The following RALYL variants were observed in gnomAD, a reference collection of about 807,000 sequenced individuals.
RALYL encodes RALY RNA binding protein like, also known as RNA-binding Raly-like protein.
Under a neutral mutation model 35.1 loss-of-function variants are expected in RALYL, and 29 were observed. The observed-to-expected ratio is 0.83, with a 90% confidence interval of 0.61 to 1.13. The LOEUF (loss-of-function observed/expected upper bound fraction) is 1.13. Among genes scored for constraint, RALYL ranks in the 50% most tolerant of loss-of-function variants. The pLI is 0.00. For synonymous variants in RALYL, 120 were observed against 127.6 expected (o/e 0.94, Z 0.40); for missense variants, 359 against 360.4 (o/e 1.00, Z 0.03).
chr8:84,842,001 C>T (rs1321212665), intron 4 of RALYL, among the ~76,000 whole-genome samples: 2 of 152,094 alleles, frequency 1.3e-5, no homozygotes, highest in Non-Finnish European at 2.9e-5. Flanking sequence ...ACTAAATGCC[C>T]ACAAGAGAAA....
chr8:84,584,402 A>C lies in RALYL; in HGVS notation c.256+54825A>C, dbSNP rs185797269. Among the ~76,000 whole-genome samples the C allele has an allele frequency of 4.3e-4, 66 of 152,236 alleles. No homozygotes were observed. The East Asian group carries it at 0.012, about 28-fold the overall frequency. ...AGTGGATCACGTGGTCAAGAGATAGAGACCACCCTGGCCAACATGGTGAAA... is the reference window on the plus strand; with the variant it reads ...AGTGGATCACGTGGTCAAGAGATAGCGACCACCCTGGCCAACATGGTGAAA... On this transcript the variant is annotated intron_variant, in intron 2 of 8. Transcript: ENST00000521268.
intron 8 of RALYL, among the ~76,000 whole-genome samples, chr8:84,909,420 T>A (rs1315874977): frequency 6.6e-6 from 1 of 152,154 alleles, no homozygotes; most frequent in Non-Finnish European, 1.5e-5. Flanking sequence ...AACACAAAAA[T>A]ACTGAAATAG....
chr8:84,895,137 C>T (rs995422416), intron 8 of RALYL, among the ~76,000 whole-genome samples: 4 of 151,980 alleles, frequency 2.6e-5, no homozygotes, highest in Non-Finnish European at 2.9e-5. Flanking sequence ...GTTTGATTTT[C>T]GTATTTTAGC....
intron 2 of RALYL, among the ~76,000 whole-genome samples, chr8:84,602,874 T>G (rs1252225): frequency 0.27 from 41,359 of 151,920 alleles, 6,068 homozygotes; most frequent in African/African-American, 0.37. Flanking sequence ...GATTTCTGTC[T>G]TTGAGAATAA....
chr8:84,835,279 G>C (rs1398471615), intron 4 of RALYL, among the ~76,000 whole-genome samples: 1 of 152,078 alleles, frequency 6.6e-6, no homozygotes, highest in African/African-American at 2.4e-5. Flanking sequence ...ATTCAAAAAA[G>C]CTATAATCAA....
chr8:84,675,162 G>A (rs1463550779), intron 2 of RALYL, among the ~76,000 whole-genome samples: 1 of 151,902 alleles, frequency 6.6e-6, no homozygotes, highest in Non-Finnish European at 1.5e-5. Flanking sequence ...TTTTTCTGAA[G>A]GCTTAGCAAA....
chr8:84,649,913 G>C (rs1339937062), intron 2 of RALYL, among the ~76,000 whole-genome samples: 1 of 152,076 alleles, frequency 6.6e-6, no homozygotes, highest in Admixed American at 6.6e-5. Flanking sequence ...CTACCCATGA[G>C]CATGGAATGT....
At chr8:84,711,644 T>C (rs1359328365) in intron 2 of RALYL, among the ~76,000 whole-genome samples, 2 of 152,176 alleles carry the variant, frequency 1.3e-5, no homozygotes, top group African/African-American at 2.4e-5. Flanking sequence ...AAAACAAGGC[T>C]GTTGCCAGTC....
At chr8:84,707,180 T>C (rs1312099956) in intron 2 of RALYL, among the ~76,000 whole-genome samples, 1 of 152,188 alleles carries the variant, frequency 6.6e-6, no homozygotes, top group Non-Finnish European at 1.5e-5. Context: ...CAGAAAGCTC[T>C]GAGGGCTAGG....
At chr8:84,785,248 T>G (rs1819133441) in intron 3 of RALYL, among the ~76,000 whole-genome samples, 1 of 152,200 alleles carries the variant, frequency 6.6e-6, no homozygotes, top group Admixed American at 6.6e-5. Context: ...TATCTCCTCT[T>G]CCCACTCAGT....
At chr8:84,455,300 A>G (rs1220063587) in intron 1 of RALYL, among the ~76,000 whole-genome samples, 2 of 152,058 alleles carry the variant, frequency 1.3e-5, no homozygotes, top group Non-Finnish European at 2.9e-5. Context: ...TGTCTGGTAT[A>G]AAAGATAAGG....
At chr8:84,829,638 A>G (rs1187564405) in intron 4 of RALYL, among the ~76,000 whole-genome samples, 1 of 152,186 alleles carries the variant, frequency 6.6e-6, no homozygotes, top group African/African-American at 2.4e-5. Flanking sequence ...AATCAATCAA[A>G]CCAAACACAC....
Position 84,522,041 on chromosome 8 carries a change from T to G in RALYL, c.-23-7258T>G, listed in dbSNP as rs576409088. On this transcript the variant is annotated intron_variant, in intron 1 of 8. Transcript: ENST00000521268. ...TTACGATAATTTTAATAAATTTTGA[T>G]GAGCTGTTGAAGGAAATACTATCAT... 2.1e-3 allele frequency among the ~76,000 whole-genome samples: 317 copies of G among 152,182 alleles called. 1 individual carries two copies. The highest frequency in any genetic ancestry group is 1.6e-3 in the Non-Finnish European group (106 of 67,994).
At chr8:84,756,657 G>T (rs891568068) in intron 2 of RALYL, among the ~76,000 whole-genome samples, 2 of 152,028 alleles carry the variant, frequency 1.3e-5, no homozygotes, top group African/African-American at 4.8e-5. Context: ...GAGGAGAGAA[G>T]TTATGCATAA....
At chr8:84,247,293 G>C (rs1254675476) in intron 1 of RALYL, among the ~76,000 whole-genome samples, 1 of 152,032 alleles carries the variant, frequency 6.6e-6, no homozygotes, top group African/African-American at 2.4e-5. Context: ...TGGACCATTA[G>C]GTTTTTCTTG....
intron 8 of RALYL, among the ~76,000 whole-genome samples, chr8:84,898,029 A>G (rs946017903): frequency 2.0e-5 from 3 of 152,226 alleles, no homozygotes; most frequent in Admixed American, 6.5e-5. Flanking sequence ...AAAGTAAAAA[A>G]GAATTAGATG....
rs533062224 is a variant in RALYL at position 84,361,274 on chromosome 8, A to G, written c.-23-168025A>G. 4.6e-3 allele frequency among the ~76,000 whole-genome samples: 700 copies of G among 152,292 alleles called. 2 individuals carry two copies. The highest frequency in any genetic ancestry group is 7.2e-3 in the Non-Finnish European group (487 of 68,018). On this transcript the variant is annotated intron_variant, in intron 1 of 8. Coordinates refer to ENST00000521268, the MANE Select transcript of RALYL (RefSeq NM_173848.7). Reference sequence around the variant, plus strand: ...GAGAATGTTCCATTAGAATTACACAAGTTTGGTGTTTCAGCCTCCTGGAAT... The same window carrying G: ...GAGAATGTTCCATTAGAATTACACAGGTTTGGTGTTTCAGCCTCCTGGAAT...
intron 1 of RALYL, among the ~76,000 whole-genome samples, chr8:84,227,719 G>C (rs1586354570): frequency 6.6e-6 from 1 of 151,928 alleles, no homozygotes; most frequent in East Asian, 1.9e-4. Context: ...TACTATTATG[G>C]AATAATGTAA....
chr8:84,470,018 C>T (rs2133664483), intron 1 of RALYL, among the ~76,000 whole-genome samples: 1 of 152,276 alleles, frequency 6.6e-6, no homozygotes, highest in South Asian at 2.1e-4. Context: ...TGCGCGCACC[C>T]ACTGACCTGC....
Sources: gnomAD v4.1 joint callset for allele counts (sites outside exome capture counted in the v4.1 genomes callset) on GRCh38, gnomAD v4.1.1 for gene constraint, MANE v1.5 for transcripts, NCBI Gene and HGNC (gene_info 2026-07-23, HGNC 2026-07-21) for gene names.